DNMT3A: variants seen among roughly 807,000 people sequenced by gnomAD.
DNMT3A encodes DNA (cytosine-5)-methyltransferase 3A.
A neutral mutation model predicts 117.6 loss-of-function variants in DNMT3A; 267 were observed. The ratio of observed to expected loss-of-function variants is 2.27; its 90% CI spans 2.05 to 2.51. DNMT3A has a LOEUF of 2.51. Ranked by LOEUF, DNMT3A falls within the 30% of genes most tolerant of loss-of-function variation. DNMT3A has a pLI of 0.00. For missense variants in DNMT3A, 1,029 were observed against 1,260.2 expected (o/e 0.82, Z 2.78); for synonymous variants, 432 against 474.8 (o/e 0.91, Z 1.17).
chr2:25,231,851 C>G lies in DNMT3A; in HGVS notation c.*2428G>C, dbSNP rs1408049642. On this transcript the variant is annotated 3_prime_UTR_variant, in exon 23 of 23. Transcript: ENST00000321117. ...CCTAGCAACTTCTGGGATTGACAGT[C>G]TACCTGCAATCAGGGCAACAGAGGT... is the stretch of plus-strand genomic sequence containing the variant. 6.6e-6 allele frequency: 1 copy of G among 152,164 alleles called. No homozygotes were observed. Among genetic ancestry groups the G allele is most frequent in the African/African-American group, 2.4e-5 (1 of 41,408 alleles). 9.4% of individuals were successfully genotyped at this position (152,164 alleles called of 1,614,324 possible). A position where few individuals can be genotyped will look rare whatever the true frequency, so the allele number is the denominator to read the frequency against.
At chr2:25,263,655 A>G (rs560230091) in intron 6 of DNMT3A, among the ~76,000 whole-genome samples, 1 of 152,290 alleles carries the variant, frequency 6.6e-6, no homozygotes, top group South Asian at 2.1e-4. Flanking sequence ...TTTTTAAAGC[A>G]GAGAGAACAT....
chr2:25,250,169 T>C (rs192915982), intron 6 of DNMT3A, among the ~76,000 whole-genome samples: 6 of 152,328 alleles, frequency 3.9e-5, no homozygotes, highest in Non-Finnish European at 7.4e-5. Context: ...CCAAAGCCTG[T>C]CAATGGACCC....
intron 1 of DNMT3A, chr2:25,328,782 C>T (rs2034894342): frequency 2.2e-6 from 1 of 460,676 alleles, no homozygotes; most frequent in Non-Finnish European, 4.6e-6. Flanking sequence ...AGGCTGTTTG[C>T]AGGAGCTCCG....
chr2:25,246,968 T>C, intron 9 of DNMT3A, 83 bp downstream of exon 9: 1 of 1,525,144 alleles, frequency 6.6e-7, no homozygotes. Context: ...GCCTCCGTTC[T>C]GCTCAAGCCC....
At chr2:25,333,328 CTTTT>C (rs1227757033) in intron 1 of DNMT3A, among the ~76,000 whole-genome samples, 3 of 142,732 alleles carry the variant, frequency 2.1e-5, no homozygotes, top group African/African-American at 5.1e-5. Flanking sequence ...ACTTGCAGGT[CTTTT>C]TTTTTTTTTT....
At position 25,235,828 on chromosome 2, in the gene DNMT3A, AGAT is replaced by A; in HGVS notation, c.2479-6_2479-4del. The A allele has an allele frequency of 1.2e-6, 2 of 1,612,078 alleles. No homozygotes were observed. The highest frequency in any genetic ancestry group is 1.7e-6 in the Non-Finnish European group (2 of 1,178,146). The stretch of plus-strand genomic sequence containing the variant: ...GTAATGGTCCTCACTTTGCTGAACT[AGAT>A]GAAGAGGAGAAAAGAGGAATAAGCA... On this transcript the variant is annotated splice_polypyrimidine_tract_variant and splice_region_variant and intron_variant, in intron 21 of 22. Coordinates refer to ENST00000321117, the MANE Select transcript of DNMT3A (RefSeq NM_022552.5).
rs929806900 is a variant in DNMT3A, at chr2:25,243,927, A to T, written c.1907T>A (p.Val636Glu). 6.4e-7 allele frequency: 1 copy of T among 1,552,054 alleles called. No homozygotes were observed. Among genetic ancestry groups the T allele is most frequent in the African/African-American group, 1.4e-5 (1 of 73,076 alleles). The change falls in exon 16 of 23, where the codon GTG becomes GAG. Residue 636 changes from valine to glutamate, a missense_variant. By Grantham distance (121) the Val-to-Glu change is moderately radical. Transcript: ENST00000321117. ...VPAEKRKPIR[V>E]LSLFDGIATG... ...AGCGATTCCATCAAAGAGAGACAGC[A>T]CCCGGATGGGCTTCCTCTTCTCAGC...
At chr2:25,335,742 C>T (rs59041428) in intron 1 of DNMT3A, among the ~76,000 whole-genome samples, 2,018 of 152,232 alleles carry the variant, frequency 0.013, 41 homozygotes, top group African/African-American at 0.042. Flanking sequence ...TGCACTCAGA[C>T]GGGGCAGCTA....
At chr2:25,255,273 C>T (rs1440088251) in intron 6 of DNMT3A, among the ~76,000 whole-genome samples, 2 of 152,214 alleles carry the variant, frequency 1.3e-5, no homozygotes, top group African/African-American at 4.8e-5. Flanking sequence ...TTCAAGGATC[C>T]TCAGGTCACA....
intron 1 of DNMT3A, among the ~76,000 whole-genome samples, chr2:25,325,172 G>C (rs1430305294): frequency 6.6e-6 from 1 of 152,168 alleles, no homozygotes; most frequent in African/African-American, 2.4e-5. Flanking sequence ...AATAGATGCT[G>C]TTAAGGAGCT....
intron 1 of DNMT3A, 49 bp downstream of exon 1, chr2:25,341,777 C>T: frequency 1.0e-6 from 1 of 977,710 alleles, no homozygotes. Flanking sequence ...CCCGGCTCCC[C>T]GCCGCCTCCG....
rs978791290 is a variant in DNMT3A, at chr2:25,289,531, C to T, written c.178-6820G>A. On this transcript the variant is annotated intron_variant, in intron 3 of 22. Transcript: ENST00000321117. ...ATCCTAGGGGAGCTGGAGCGATACT[C>T]GCTTTTCTGAGGCCTGCCTTGGGTC... Among the ~76,000 whole-genome samples the T allele has an allele frequency of 4.6e-5, 7 of 152,154 alleles. No individual in the cohort carries two copies. In the East Asian group the frequency reaches 7.7e-4, roughly 17 times the overall value.
At chr2:25,251,999 C>A in intron 6 of DNMT3A, 4 of 646,438 alleles carry the variant, frequency 6.2e-6, no homozygotes, top group Admixed American at 3.6e-5. Flanking sequence ...GGCCTTGGGG[C>A]TCGTGGGCAG....
intron 16 of DNMT3A, among the ~76,000 whole-genome samples, chr2:25,242,331 G>A (rs913724809): frequency 4.0e-5 from 6 of 151,884 alleles, no homozygotes; most frequent in African/African-American, 7.3e-5. Context: ...TCCTTACCAC[G>A]ATCCCTCCCC....
rs55665346 is a variant in DNMT3A, at chr2:25,300,704, A to C, written c.73-461T>G. ...ATTTAGATATATATTTATATATCTA[A>C]ATAATATAATATATATATATATATA... On this transcript the variant is annotated intron_variant, in intron 2 of 22. Coordinates refer to ENST00000321117, the MANE Select transcript of DNMT3A (RefSeq NM_022552.5). 1.3e-3 allele frequency among the ~76,000 whole-genome samples: 70 copies of C among 52,128 alleles called. 2 individuals carry two copies. The highest frequency in any genetic ancestry group is 5.0e-3 in the African/African-American group (65 of 13,108). The allele number at this position is 52,128 out of a possible 152,430, so 34.2% of individuals were successfully genotyped here. A position where few individuals can be genotyped will look rare whatever the true frequency, so the allele number is the denominator to read the frequency against.
chr2:25,267,254 T>G (rs964125532), intron 6 of DNMT3A, among the ~76,000 whole-genome samples: 1 of 152,182 alleles, frequency 6.6e-6, no homozygotes, highest in Admixed American at 6.5e-5. Flanking sequence ...ACCAAACTGA[T>G]AGCATCAAGT....
intron 2 of DNMT3A, among the ~76,000 whole-genome samples, chr2:25,312,367 G>A (rs1573478518): frequency 6.6e-6 from 1 of 152,360 alleles, no homozygotes; most frequent in East Asian, 1.9e-4. Context: ...AGCCTGATCG[G>A]TCGCCCCGGG....
chr2:25,238,506 T>C (rs1673616703), intron 20 of DNMT3A, among the ~76,000 whole-genome samples: 1 of 152,230 alleles, frequency 6.6e-6, no homozygotes, highest in African/African-American at 2.4e-5. Context: ...GCTTTTGAAT[T>C]GCCAACTCTG....
chr2:25,291,010 C>T (rs375288150), intron 3 of DNMT3A, among the ~76,000 whole-genome samples: 8 of 152,206 alleles, frequency 5.3e-5, no homozygotes, highest in East Asian at 1.9e-4. Context: ...AGGCCAGCCA[C>T]GGACTCTTCA....
Sources: allele counts gnomAD v4.1 joint callset (sites outside exome capture counted in the v4.1 genomes callset), GRCh38; gene constraint gnomAD v4.1.1; transcripts MANE v1.5; gene names NCBI Gene and HGNC (gene_info 2026-07-23, HGNC 2026-07-21).